The following CMC1 variants were observed in gnomAD, a reference collection of about 807,000 sequenced individuals.
The protein encoded by CMC1 is C-X9-C motif containing 1, also known as COX assembly mitochondrial protein homolog.
A neutral mutation model predicts 14.1 loss-of-function variants in CMC1; 14 were observed. The ratio of observed to expected loss-of-function variants is 0.99; its 90% CI spans 0.66 to 1.55. The LOEUF (loss-of-function observed/expected upper bound fraction) is 1.55. Among genes scored for constraint, CMC1 ranks in the 40% most tolerant of loss-of-function variants. The probability of loss-of-function intolerance (pLI) is 0.00; values close to 1 mark genes in which losing one functional copy is unlikely to be tolerated. For synonymous variants in CMC1, 50 were observed against 38.4 expected (o/e 1.30, Z -1.12); for missense variants, 127 against 123.8 (o/e 1.03, Z -0.12).
chr3:28,319,630 G>A lies in CMC1; in HGVS notation c.*1G>A, dbSNP rs753375037. 6.3e-7 allele frequency: 1 copy of A among 1,593,686 alleles called. No homozygotes were observed. The highest frequency in any genetic ancestry group is 1.8e-5 in the Admixed American group (1 of 55,430). Reference sequence around the variant, plus strand: ...ACAGAAGCTTCCAACAAGCATGTAGGCAGATACTCAAATGACATTCAGGAA... The same window carrying A: ...ACAGAAGCTTCCAACAAGCATGTAGACAGATACTCAAATGACATTCAGGAA... On this transcript the variant is annotated 3_prime_UTR_variant, in exon 4 of 4. Coordinates refer to ENST00000466830, the MANE Select transcript of CMC1 (RefSeq NM_182523.2).
At chr3:28,264,156 A>G (rs1699886715) in intron 2 of CMC1, among the ~76,000 whole-genome samples, 1 of 152,166 alleles carries the variant, frequency 6.6e-6, no homozygotes, top group African/African-American at 2.4e-5. Context: ...ATAAACTTTT[A>G]TGGGCATAGG....
At position 28,319,702 on chromosome 3, in the gene CMC1, C is replaced by G. The variant is rs1433412308; in HGVS notation, c.*73C>G. 13 of 1,189,822 alleles carry G rather than the reference C, an allele frequency of 1.1e-5. No homozygotes were observed. The highest frequency in any genetic ancestry group is 1.5e-5 in the Non-Finnish European group (13 of 846,144). The allele number at this position is 1,189,822 out of a possible 1,614,324, so 73.7% of individuals were successfully genotyped here. On this transcript the variant is annotated 3_prime_UTR_variant, in exon 4 of 4. Coordinates refer to ENST00000466830, the MANE Select transcript of CMC1 (RefSeq NM_182523.2). ...TTTTATAGTCCTTAAATAATGGACTCAAGCATATATGTTTGCTTTACCTTA... is the reference window on the plus strand; with the variant it reads ...TTTTATAGTCCTTAAATAATGGACTGAAGCATATATGTTTGCTTTACCTTA...
intron 2 of CMC1, among the ~76,000 whole-genome samples, chr3:28,274,212 GTTTTTTTCTT>G (rs1451506966): frequency 2.3e-5 from 2 of 88,200 alleles, no homozygotes; most frequent in Non-Finnish European, 4.3e-5. Context: ...AAGTGTTTTT[GTTTTTTTCTT>G]TTTTTTTTTT....
At chr3:28,249,204 A>G (rs769787994) in intron 1 of CMC1, among the ~76,000 whole-genome samples, 18 of 152,244 alleles carry the variant, frequency 1.2e-4, no homozygotes, top group Admixed American at 3.3e-4. Context: ...CTTACAGATC[A>G]AAAGATATGT....
intron 1 of CMC1, among the ~76,000 whole-genome samples, chr3:28,249,305 T>C (rs1699005393): frequency 6.6e-6 from 1 of 152,244 alleles, no homozygotes; most frequent in Admixed American, 6.5e-5. Flanking sequence ...CATTATTGTA[T>C]ACACAATCCC....
intron 2 of CMC1, among the ~76,000 whole-genome samples, chr3:28,305,024 A>G (rs992057199): frequency 1.3e-5 from 2 of 152,096 alleles, no homozygotes; most frequent in East Asian, 1.9e-4. Flanking sequence ...CGTCTATTGA[A>G]CCGTCACCCA....
rs1703234150 is a variant in CMC1, at chr3:28,322,967, T to G, written c.*3338T>G. Reference sequence around the variant, plus strand: ...CACCCTGAAAGAACTTAAATTTCCATGTGAAGCCATCTTTATTTCCTTCTT... The same window carrying G: ...CACCCTGAAAGAACTTAAATTTCCAGGTGAAGCCATCTTTATTTCCTTCTT... On this transcript the variant is annotated 3_prime_UTR_variant, in exon 4 of 4. Transcript: ENST00000466830. 6.6e-6 allele frequency: 1 copy of G among 151,160 alleles called. No individual in the cohort carries two copies. Among genetic ancestry groups the G allele is most frequent in the Admixed American group, 6.6e-5 (1 of 15,114 alleles). 9.4% of individuals were successfully genotyped at this position (151,160 alleles called of 1,614,324 possible).
intron 2 of CMC1, among the ~76,000 whole-genome samples, chr3:28,313,693 T>G (rs1702753161): frequency 6.6e-6 from 1 of 152,198 alleles, no homozygotes; most frequent in Admixed American, 6.5e-5. Context: ...TGTGAAAGTA[T>G]ATAGACTATG....
At chr3:28,249,010 T>G (rs1698989762) in intron 1 of CMC1, among the ~76,000 whole-genome samples, 1 of 152,206 alleles carries the variant, frequency 6.6e-6, no homozygotes, top group African/African-American at 2.4e-5. Context: ...CAGGATGGTC[T>G]CGATCTCCTG....
At chr3:28,304,999 ATGC>A (rs955718897) in intron 2 of CMC1, among the ~76,000 whole-genome samples, 1 of 152,104 alleles carries the variant, frequency 6.6e-6, no homozygotes, top group Non-Finnish European at 1.5e-5. Context: ...ATATTGTATA[ATGC>A]AGTGGTTTGG....
At chr3:28,268,653 A>T (rs906936111) in intron 2 of CMC1, among the ~76,000 whole-genome samples, 13 of 152,166 alleles carry the variant, frequency 8.5e-5, no homozygotes, top group Non-Finnish European at 1.5e-4. Flanking sequence ...GATGCCACCT[A>T]AGGGCCAATC....
At chr3:28,243,343 A>G (rs912851727) in intron 1 of CMC1, among the ~76,000 whole-genome samples, 2 of 152,332 alleles carry the variant, frequency 1.3e-5, no homozygotes, top group African/African-American at 4.8e-5. Flanking sequence ...GGTGTGAGCC[A>G]CCGCACCCAG....
intron 3 of CMC1, chr3:28,319,148 G>C: frequency 2.4e-6 from 1 of 420,856 alleles, no homozygotes; most frequent in South Asian, 1.7e-5. Context: ...ATTTCCCCTT[G>C]AAACCTCTGC....
In CMC1 at chr3:28,324,322, G is replaced by A. The variant is rs1180841579; in HGVS notation, c.*4693G>A. ...CTTTACATCTCCTGGTAAAGGGGAA[G>A]ATGTGGTATGACAAAGAGCTTTGCC... On this transcript the variant is annotated 3_prime_UTR_variant, in exon 4 of 4. Coordinates refer to ENST00000466830, the MANE Select transcript of CMC1 (RefSeq NM_182523.2). The A allele has an allele frequency of 1.2e-6, 2 of 1,605,972 alleles. No homozygotes were observed. Among genetic ancestry groups the A allele is most frequent in the Non-Finnish European group, 8.5e-7 (1 of 1,175,016 alleles).
At chr3:28,263,626 A>C (rs543693751) in intron 2 of CMC1, among the ~76,000 whole-genome samples, 1 of 152,266 alleles carries the variant, frequency 6.6e-6, no homozygotes, top group South Asian at 2.1e-4. Context: ...TCAGAGGTAC[A>C]GTTATATACA....
At chr3:28,301,648 TAGG>T (rs200660229) in intron 2 of CMC1, among the ~76,000 whole-genome samples, 1,841 of 150,226 alleles carry the variant, frequency 0.012, 38 homozygotes, top group African/African-American at 0.043. Context: ...TTTAAAAAAA[TAGG>T]AGATGCTAAT....
intron 1 of CMC1, among the ~76,000 whole-genome samples, chr3:28,249,987 GAGA>G (rs1699049360): frequency 6.6e-6 from 1 of 151,996 alleles, no homozygotes; most frequent in Admixed American, 6.5e-5. Flanking sequence ...AGGAGAGAAC[GAGA>G]AGGAGAGAGA....
At chr3:28,286,929 T>A (rs763257303) in intron 2 of CMC1, among the ~76,000 whole-genome samples, 5 of 152,198 alleles carry the variant, frequency 3.3e-5, no homozygotes, top group African/African-American at 7.2e-5. Flanking sequence ...TTTTGATTAT[T>A]TATTGCAAAA....
At chr3:28,283,551 C>CAAAAAAAAAAAAAAAAA (rs5847510) in intron 2 of CMC1, among the ~76,000 whole-genome samples, 1 of 118,280 alleles carries the variant, frequency 8.5e-6, no homozygotes, top group Non-Finnish European at 1.8e-5. Flanking sequence ...ACAACAAAAA[C>CAAAAAAAAAAAAAAAAA]AAAAAAAAAA....
Sources: gnomAD v4.1 joint callset for allele counts (sites outside exome capture counted in the v4.1 genomes callset) on GRCh38, gnomAD v4.1.1 for gene constraint, MANE v1.5 for transcripts, NCBI Gene and HGNC (gene_info 2026-07-23, HGNC 2026-07-21) for gene names.